Variants in FAM107A observed in about 807,000 individuals in gnomAD.
FAM107A encodes the protein family with sequence similarity 107 member A.
A neutral mutation model predicts 13.7 loss-of-function variants in FAM107A; 19 were observed. The observed-to-expected ratio is 1.38, with a 90% CI of 0.97 to 2.03. FAM107A has a LOEUF of 2.03. Ranked by LOEUF, FAM107A falls within the 30% of genes most tolerant of loss-of-function variation. The probability of loss-of-function intolerance (pLI) is 0.00; values close to 1 mark genes in which losing one functional copy is unlikely to be tolerated. For synonymous variants in FAM107A, 82 were observed against 74.5 expected (o/e 1.10, Z -0.52); for missense variants, 203 against 184.4 (o/e 1.10, Z -0.58).
chr3:58,617,193 G>T lies in FAM107A; in HGVS notation c.-70+10223C>A, dbSNP rs112010699. ...CCTTCACAGACGCTGGCCGGTTCAG[G>T]GCCTGCAGGTCTCAATGGCAGGCCT... On this transcript the variant is annotated intron_variant, in intron 1 of 3. Transcript: ENST00000465970. The surrounding 1 kb of genome is among the most constrained non-coding windows in gnomAD (Gnocchi z 4.5). Among the ~76,000 whole-genome samples, 101 of 152,272 alleles carry T rather than the reference G, an allele frequency of 6.6e-4. No homozygotes were observed. Among genetic ancestry groups the T allele is most frequent in the Non-Finnish European group, 1.1e-3 (73 of 68,024 alleles).
intron 1 of FAM107A, chr3:58,626,999 C>G (rs1404887873): frequency 2.6e-6 from 4 of 1,536,056 alleles, no homozygotes; most frequent in Non-Finnish European, 3.5e-6. Flanking sequence ...TCCCATGGCA[C>G]GAAGTGGGCA....
chr3:58,609,525 A>G (rs1000962676), intron 1 of FAM107A, among the ~76,000 whole-genome samples: 2 of 152,190 alleles, frequency 1.3e-5, no homozygotes, highest in Non-Finnish European at 2.9e-5. Context: ...CTGAGCTGCT[A>G]TGCTCTAAAA....
Position 58,623,983 on chromosome 3 carries a change from C to T in FAM107A, c.-70+3433G>A, listed in dbSNP as rs771700597. On this transcript the variant is annotated intron_variant, in intron 1 of 3. Transcript: ENST00000465970. Reference sequence around the variant, plus strand: ...TTGTGGTTGTGTCCTCTATCCTGGGCGAGGGCACTGGCCACTGCTGATTGG... The same window carrying T: ...TTGTGGTTGTGTCCTCTATCCTGGGTGAGGGCACTGGCCACTGCTGATTGG... Among the ~76,000 whole-genome samples, 11 of 152,302 alleles carry T rather than the reference C, an allele frequency of 7.2e-5. No homozygotes were observed. The East Asian group carries it at 1.7e-3, about 24-fold the overall frequency.
chr3:58,598,884 T>C (rs189950955), intron 1 of FAM107A, among the ~76,000 whole-genome samples: 2 of 149,844 alleles, frequency 1.3e-5, no homozygotes, highest in African/African-American at 4.9e-5. Context: ...TGCCCCATGG[T>C]TTTTTTTTTA....
At position 58,569,867 on chromosome 3, in the gene FAM107A, T is replaced by A; in HGVS notation, c.-5-2A>T. 6.2e-7 allele frequency: 1 copy of A among 1,613,500 alleles called. No homozygotes were observed. Among genetic ancestry groups the A allele is most frequent in the Non-Finnish European group, 8.5e-7 (1 of 1,179,744 alleles). ...TCTGGATCTCCGAGTACATGGCGGCTGTAGAGATGGGCAGAGGAGTAGCTC... is the reference window on the plus strand; with the variant it reads ...TCTGGATCTCCGAGTACATGGCGGCAGTAGAGATGGGCAGAGGAGTAGCTC... On this transcript the variant is annotated splice_acceptor_variant, in intron 1 of 3. Coordinates refer to ENST00000360997, the MANE Select transcript of FAM107A (RefSeq NM_001076778.3). LOFTEE classifies it low-confidence loss of function (5UTR_SPLICE). This position sits in a 1 kb window ranked among gnomAD's most constrained non-coding sequence, Gnocchi z 5.7.
intron 1 of FAM107A, among the ~76,000 whole-genome samples, chr3:58,624,186 G>A (rs1248877820): frequency 2.0e-5 from 3 of 152,188 alleles, no homozygotes; most frequent in Non-Finnish European, 4.4e-5. Flanking sequence ...CACCTCTCTG[G>A]CATCAATGCA....
At chr3:58,575,546 G>A (rs911014620) in intron 1 of FAM107A, among the ~76,000 whole-genome samples, 2 of 152,130 alleles carry the variant, frequency 1.3e-5, no homozygotes, top group Non-Finnish European at 2.9e-5. Flanking sequence ...AGAGTAAGCA[G>A]CAAAGCCAGG....
chr3:58,570,603 G>C (rs1374921168), intron 1 of FAM107A, among the ~76,000 whole-genome samples: 1 of 113,826 alleles, frequency 8.8e-6, no homozygotes, highest in African/African-American at 4.5e-5. Context: ...GAGAGAGAGA[G>C]AGAGAGAGAG....
At chr3:58,586,780 G>C in intron 1 of FAM107A, 1 of 1,410,144 alleles carries the variant, frequency 7.1e-7, no homozygotes, top group South Asian at 1.4e-5. Flanking sequence ...CGGCGGACTG[G>C]CCAGGGACTG....
At chr3:58,592,321 T>C (rs1052423466) in intron 1 of FAM107A, among the ~76,000 whole-genome samples, 7 of 152,156 alleles carry the variant, frequency 4.6e-5, no homozygotes, top group Non-Finnish European at 7.3e-5. Context: ...AAAGCCAGAA[T>C]TTCAGAAGAA....
At chr3:58,570,171 C>A (rs528847005) in intron 1 of FAM107A, among the ~76,000 whole-genome samples, 2 of 152,298 alleles carry the variant, frequency 1.3e-5, no homozygotes, top group South Asian at 2.1e-4. Context: ...TTTGGCCTGG[C>A]TTTGCAACAG....
upstream of FAM107A, among the ~76,000 whole-genome samples, chr3:58,590,402 C>T (rs2065645906): frequency 6.6e-6 from 1 of 152,222 alleles, no homozygotes; most frequent in Non-Finnish European, 1.5e-5. Context: ...TTCTCCCAGG[C>T]CTCCATGCCA....
At chr3:58,625,936 A>T (rs1384415397) in intron 1 of FAM107A, among the ~76,000 whole-genome samples, 1 of 152,198 alleles carries the variant, frequency 6.6e-6, no homozygotes, top group Non-Finnish European at 1.5e-5. Flanking sequence ...TCCCATGTTT[A>T]TCGGGGAGCC....
chr3:58,589,366 C>A (rs2065636446), upstream of FAM107A: 1 of 792,342 alleles, frequency 1.3e-6, no homozygotes, highest in Non-Finnish European at 2.1e-6. Flanking sequence ...CTTTTGGCCA[C>A]TGAAGGGACT....
At chr3:58,592,590 C>T (rs11719462) in intron 1 of FAM107A, among the ~76,000 whole-genome samples, 29,125 of 151,918 alleles carry the variant, frequency 0.19, 3,435 homozygotes, top group East Asian at 0.45. Context: ...GATAACGGAC[C>T]GGCCTTTATT....
At chr3:58,626,012 G>A (rs1216629670) in intron 1 of FAM107A, among the ~76,000 whole-genome samples, 3 of 152,188 alleles carry the variant, frequency 2.0e-5, no homozygotes, top group Non-Finnish European at 4.4e-5. Flanking sequence ...CCACGAAGCA[G>A]GTACCAGCCC....
At chr3:58,586,873 C>A (rs1019818394) in exon 1 of FAM107A, 2 of 1,533,234 alleles carry the variant, frequency 1.3e-6, no homozygotes, top group East Asian at 4.9e-5. Context: ...CGGAGCAGCA[C>A]AGCCCGGTAG....
upstream of FAM107A, chr3:58,577,802 AAAAGGGTGGGG>A: frequency 2.3e-6 from 2 of 878,366 alleles, no homozygotes; most frequent in Non-Finnish European, 2.7e-6. The surrounding 1 kb of genome is among the most constrained non-coding windows in gnomAD (Gnocchi z 4.9). Flanking sequence ...CTCTGGGGGG[AAAAGGGTGGGG>A]TGTAAAGGGA....
chr3:58,606,606 T>C (rs1353871289), intron 1 of FAM107A, among the ~76,000 whole-genome samples: 1 of 152,270 alleles, frequency 6.6e-6, no homozygotes, highest in African/African-American at 2.4e-5. Context: ...CAAGAGGCCC[T>C]GCAGGAGAGA....
Sources: allele counts gnomAD v4.1 joint callset (sites outside exome capture counted in the v4.1 genomes callset), GRCh38; gene constraint gnomAD v4.1.1; non-coding constraint Gnocchi (gnomAD v3.1); transcripts MANE v1.5; gene names NCBI Gene and HGNC (gene_info 2026-07-23, HGNC 2026-07-21).